CSMD1: variants seen among roughly 807,000 people sequenced by gnomAD.
CSMD1 encodes CUB and Sushi multiple domains 1.
Under a neutral mutation model 417.5 loss-of-function variants are expected in CSMD1, and 213 were observed. That is an observed-to-expected ratio of 0.51 (90% CI 0.46 to 0.57). CSMD1 has a LOEUF of 0.57. Ranked by LOEUF, CSMD1 falls within the 20% of genes least tolerant of loss-of-function variation. CSMD1 has a pLI of 0.00. For synonymous variants in CSMD1, 2,862 were observed against 1,736.8 expected, an observed-to-expected ratio of 1.65 and a Z score of -16.11; for missense variants, 6,923 against 4,529.7, an observed-to-expected ratio of 1.53 and a Z score of -15.17.
chr8:3,691,079 T>C lies in CSMD1; in HGVS notation c.1009+17335A>G, dbSNP rs796280300. The stretch of plus-strand genomic sequence containing the variant: ...GGCGACATCCTCTAGCAAAACTGTA[T>C]CAATGGGCCGGGCTTGGTGGCTCAC... On this transcript the variant is annotated intron_variant, in intron 7 of 69. Transcript: ENST00000635120. Among the ~76,000 whole-genome samples, 7 of 151,990 alleles carry C rather than the reference T, an allele frequency of 4.6e-5. No homozygotes were observed. The South Asian group carries it at 1.2e-3, about 27-fold the overall frequency.
At chr8:4,331,857 C>G (rs1398193876) in intron 3 of CSMD1, among the ~76,000 whole-genome samples, 2 of 151,940 alleles carry the variant, frequency 1.3e-5, no homozygotes, top group African/African-American at 4.8e-5. Flanking sequence ...AATCCATTTG[C>G]TTAAAAAAAT....
At chr8:4,229,300 C>T (rs1036862862) in intron 3 of CSMD1, among the ~76,000 whole-genome samples, 1 of 152,168 alleles carries the variant, frequency 6.6e-6, no homozygotes, top group African/African-American at 2.4e-5. Flanking sequence ...GTGGCTTGAG[C>T]CACCATTATC....
intron 2 of CSMD1, among the ~76,000 whole-genome samples, chr8:4,533,743 G>A (rs1021919864): frequency 6.6e-6 from 1 of 151,738 alleles, no homozygotes; most frequent in South Asian, 2.1e-4. Flanking sequence ...AATGGAATTA[G>A]CAATAGTATT....
intron 6 of CSMD1, among the ~76,000 whole-genome samples, chr8:3,712,504 T>C (rs1483603778): frequency 6.6e-6 from 1 of 151,948 alleles, no homozygotes. Flanking sequence ...CTATGGCAAA[T>C]CCCTGCAATA....
intron 5 of CSMD1, among the ~76,000 whole-genome samples, chr8:3,917,390 G>A (rs1427176960): frequency 4.8e-5 from 7 of 147,076 alleles, no homozygotes. Context: ...TCCCTCTACA[G>A]GAGTTTGGGT....
intron 3 of CSMD1, among the ~76,000 whole-genome samples, chr8:4,401,405 C>G (rs561788493): frequency 2.6e-5 from 4 of 152,074 alleles, no homozygotes; most frequent in African/African-American, 9.7e-5. Context: ...TTGTTTATGA[C>G]CACAACTATT....
intron 2 of CSMD1, among the ~76,000 whole-genome samples, chr8:4,464,303 A>G (rs1283088430): frequency 6.6e-6 from 1 of 152,076 alleles, no homozygotes; most frequent in East Asian, 1.9e-4. Flanking sequence ...CATGCAATGG[A>G]CAGACGCTCT....
At chr8:4,433,056 C>T (rs745360126) in intron 2 of CSMD1, among the ~76,000 whole-genome samples, 5 of 152,144 alleles carry the variant, frequency 3.3e-5, no homozygotes, top group Non-Finnish European at 5.9e-5. Flanking sequence ...ATCGAGGTTG[C>T]ACACTCTTTA....
chr8:4,646,751 A>G (rs1300088717), intron 1 of CSMD1, among the ~76,000 whole-genome samples: 3 of 152,208 alleles, frequency 2.0e-5, no homozygotes, highest in Non-Finnish European at 2.9e-5. Flanking sequence ...AAGTCATACT[A>G]AAACCCCTAG....
chr8:3,968,301 T>C (rs1240885543), intron 5 of CSMD1, among the ~76,000 whole-genome samples: 2 of 152,120 alleles, frequency 1.3e-5, no homozygotes, highest in African/African-American at 4.8e-5. Flanking sequence ...ACAATACTCA[T>C]AGGCAGCATG....
chr8:3,659,559 G>T (rs555154786), intron 7 of CSMD1, among the ~76,000 whole-genome samples: 4 of 152,008 alleles, frequency 2.6e-5, no homozygotes, highest in Non-Finnish European at 5.9e-5. Context: ...TTTTCGGGGG[G>T]TTATCATATT....
At chr8:4,530,810 T>G (rs1281558179) in intron 2 of CSMD1, among the ~76,000 whole-genome samples, 4 of 151,790 alleles carry the variant, frequency 2.6e-5, no homozygotes, top group Non-Finnish European at 4.4e-5. Flanking sequence ...GCCAAAGGAT[T>G]ATAAATCATT....
At chr8:3,515,409 A>G (rs778821690) in intron 10 of CSMD1, 2 of 152,208 alleles carry the variant, frequency 1.3e-5, no homozygotes, top group Non-Finnish European at 1.5e-5. Flanking sequence ...ATGTTGGTGA[A>G]GTTTAGACAC....
intron 3 of CSMD1, among the ~76,000 whole-genome samples, chr8:4,406,895 A>T (rs1005388813): frequency 1.3e-5 from 2 of 152,186 alleles, no homozygotes; most frequent in Non-Finnish European, 1.5e-5. Flanking sequence ...TACTTTCTCT[A>T]TTGTGCATTG....
At chr8:3,171,133 A>C (rs1287533528) in intron 37 of CSMD1, among the ~76,000 whole-genome samples, 1 of 152,234 alleles carries the variant, frequency 6.6e-6, no homozygotes, top group East Asian at 1.9e-4. Flanking sequence ...GATATTTTAA[A>C]ATGAGAAATA....
At chr8:4,594,512 T>G (rs139242125) in intron 2 of CSMD1, among the ~76,000 whole-genome samples, 1 of 152,184 alleles carries the variant, frequency 6.6e-6, no homozygotes, top group Admixed American at 6.5e-5. Context: ...AAATGATCTG[T>G]TTCTAAATAA....
chr8:4,752,485 G>C (rs762007094), intron 1 of CSMD1, among the ~76,000 whole-genome samples: 4 of 152,210 alleles, frequency 2.6e-5, no homozygotes, highest in South Asian at 2.1e-4. Flanking sequence ...ATCTTTGCTA[G>C]TGGCTTTGGT....
chr8:3,488,554 C>G (rs773450207), intron 11 of CSMD1, among the ~76,000 whole-genome samples: 1 of 152,188 alleles, frequency 6.6e-6, no homozygotes, highest in Admixed American at 6.5e-5. Flanking sequence ...TAGATTCATA[C>G]TGCTAATTAT....
chr8:3,184,775 A>G (rs1272018334), intron 36 of CSMD1, among the ~76,000 whole-genome samples: 4 of 152,230 alleles, frequency 2.6e-5, no homozygotes, highest in Non-Finnish European at 5.9e-5. Context: ...CAGGATAGCC[A>G]ATAGTCTCAG....
Sources: allele counts gnomAD v4.1 joint callset (sites outside exome capture counted in the v4.1 genomes callset), GRCh38; gene constraint gnomAD v4.1.1; transcripts MANE v1.5; gene names NCBI Gene and HGNC (gene_info 2026-07-23, HGNC 2026-07-21).